Variants in INSR observed in about 807,000 individuals in gnomAD.
INSR encodes IR.
A neutral mutation model predicts 142.6 loss-of-function variants in INSR; 67 were observed. The observed-to-expected ratio is 0.47, with a 90% confidence interval of 0.39 to 0.58. The LOEUF (loss-of-function observed/expected upper bound fraction) is 0.58. INSR is among the 20% of genes least tolerant of loss of function. The pLI is 0.00. For synonymous variants in INSR, 756 were observed against 743.1 expected (o/e 1.02, Z -0.28); for missense variants, 1,248 against 1,833.2 (o/e 0.68, Z 5.83).
At chr19:7,146,853 C>T (rs1973198580) in intron 11 of INSR, among the ~76,000 whole-genome samples, 1 of 152,198 alleles carries the variant, frequency 6.6e-6, no homozygotes, top group African/African-American at 2.4e-5. Flanking sequence ...GTCCAAAGAA[C>T]TTAACACATT....
Position 7,114,116 on chromosome 19 carries a change from A to G in INSR, c.*2940T>C, listed in dbSNP as rs1460880999. ...GGTTTTGGATTGGAATTTCCCTCAC[A>G]TGCTCCCATCCCACTTGGAGAATTT... On this transcript the variant is annotated 3_prime_UTR_variant, in exon 22 of 22. Coordinates refer to ENST00000302850, the MANE Select transcript of INSR (RefSeq NM_000208.4). 1.3e-5 allele frequency: 2 copies of G among 151,374 alleles called. No homozygotes were observed. The highest frequency in any genetic ancestry group is 2.9e-5 in the Non-Finnish European group (2 of 67,946). 9.4% of individuals were successfully genotyped at this position (151,374 alleles called of 1,614,324 possible).
chr19:7,230,126 C>T (rs560335903), intron 2 of INSR, among the ~76,000 whole-genome samples: 1 of 152,186 alleles, frequency 6.6e-6, no homozygotes, highest in African/African-American at 2.4e-5. Flanking sequence ...CGGCCACATT[C>T]TCAGAGGCTC....
intron 2 of INSR, among the ~76,000 whole-genome samples, chr19:7,266,926 G>A (rs999777914): frequency 6.6e-6 from 1 of 151,916 alleles, no homozygotes; most frequent in Non-Finnish European, 1.5e-5. Flanking sequence ...TAAAAAAACC[G>A]AATCTACAGT....
intron 2 of INSR, among the ~76,000 whole-genome samples, chr19:7,259,806 G>A (rs558336872): frequency 2.8e-5 from 4 of 142,632 alleles, no homozygotes; most frequent in African/African-American, 1.1e-4. Context: ...ACAACAGAGC[G>A]AGACTCTGTC....
chr19:7,277,286 A>T (rs1340207639), intron 1 of INSR, among the ~76,000 whole-genome samples: 2 of 151,956 alleles, frequency 1.3e-5, no homozygotes, highest in Non-Finnish European at 2.9e-5. Context: ...GATCAAATGC[A>T]GGTTCTGGAC....
intron 2 of INSR, among the ~76,000 whole-genome samples, chr19:7,229,619 T>C (rs986767007): frequency 6.6e-6 from 1 of 152,316 alleles, no homozygotes; most frequent in African/African-American, 2.4e-5. Context: ...GGCCTCTGGG[T>C]CTGTGTTTTC....
At chr19:7,213,341 C>CAAAA (rs11343255) in intron 2 of INSR, among the ~76,000 whole-genome samples, 16 of 100,606 alleles carry the variant, frequency 1.6e-4, no homozygotes, top group South Asian at 3.4e-4. Flanking sequence ...GACTCCATCT[C>CAAAA]AAAAAAAAAA....
intron 13 of INSR, among the ~76,000 whole-genome samples, chr19:7,134,980 GC>G (rs5826959): frequency 1 from 151,242 of 151,242 alleles, 75,621 homozygotes; most frequent in Non-Finnish European, 1. Context: ...CAAGCATCGA[GC>G]CCAAAACTCT....
intron 2 of INSR, among the ~76,000 whole-genome samples, chr19:7,189,836 G>A (rs1599970082): frequency 3.3e-5 from 5 of 151,878 alleles, no homozygotes; most frequent in Non-Finnish European, 7.4e-5. Flanking sequence ...GATAATTTTT[G>A]TATTTTTAGT....
intron 13 of INSR, among the ~76,000 whole-genome samples, chr19:7,136,059 C>T (rs1175813661): frequency 6.6e-6 from 1 of 152,046 alleles, no homozygotes; most frequent in Non-Finnish European, 1.5e-5. Flanking sequence ...TATGAGGGTT[C>T]CGATTTCTCC....
intron 2 of INSR, among the ~76,000 whole-genome samples, chr19:7,256,191 G>A (rs555154270): frequency 1.6e-4 from 25 of 152,124 alleles, no homozygotes; most frequent in African/African-American, 4.3e-4. Flanking sequence ...TAATCCCAGC[G>A]CTTTGGGAGG....
rs1347526869 is a variant in INSR, at chr19:7,168,176, G to T, written c.1484-82C>A. On this transcript the variant is annotated intron_variant, in intron 6 of 21. Coordinates refer to ENST00000302850, the MANE Select transcript of INSR (RefSeq NM_000208.4). This position sits in a 1 kb window ranked among gnomAD's most constrained non-coding sequence, Gnocchi z 4.3. Reference sequence around the variant, plus strand: ...AAGCCTGGGACCCCCACACTTCCTGGAGGGACCGTGAGAAGGCAGAGGTGA... The same window carrying T: ...AAGCCTGGGACCCCCACACTTCCTGTAGGGACCGTGAGAAGGCAGAGGTGA... 2 of 1,410,822 alleles carry T rather than the reference G, an allele frequency of 1.4e-6. No individual in the cohort carries two copies. The highest frequency in any genetic ancestry group is 1.7e-5 in the Admixed American group (1 of 58,034). The allele number at this position is 1,410,822 out of a possible 1,614,324, so 87.4% of individuals were successfully genotyped here.
chr19:7,159,508 A>G lies in INSR; in HGVS notation c.2029+3524T>C, dbSNP rs2144919494. Reference sequence around the variant, plus strand: ...ATGTTTAAATGGTCCCTTGGTAATTACAGATTTAGACTTTCGGAATTAAAA... The same window carrying G: ...ATGTTTAAATGGTCCCTTGGTAATTGCAGATTTAGACTTTCGGAATTAAAA... On this transcript the variant is annotated intron_variant, in intron 9 of 21. Coordinates refer to ENST00000302850, the MANE Select transcript of INSR (RefSeq NM_000208.4). The surrounding 1 kb of genome is among the most constrained non-coding windows in gnomAD (Gnocchi z 4.3). 3 of 151,148 alleles carry G rather than the reference A, an allele frequency of 2.0e-5. No individual in the cohort carries two copies. The Middle Eastern group carries it at 0.01, about 518-fold the overall frequency. The allele number at this position is 151,148 out of a possible 1,614,324, so 9.4% of individuals were successfully genotyped here. A position where few individuals can be genotyped will look rare whatever the true frequency, so the allele number is the denominator to read the frequency against.
intron 2 of INSR, among the ~76,000 whole-genome samples, chr19:7,198,580 G>A (rs62111424): frequency 0.094 from 14,273 of 152,018 alleles, 697 homozygotes; most frequent in South Asian, 0.17. Context: ...GCCTCCCTCG[G>A]GAGGGGTCCA....
intron 2 of INSR, among the ~76,000 whole-genome samples, chr19:7,193,157 C>G (rs1167654862): frequency 6.6e-6 from 1 of 150,556 alleles, no homozygotes; most frequent in South Asian, 2.1e-4. Context: ...TCACTCTTGT[C>G]CCTCAGGCTG....
At position 7,123,004 on chromosome 19, in the gene INSR, AC is replaced by A; in HGVS notation, c.3259-16del. 6.4e-7 allele frequency: 1 copy of A among 1,573,068 alleles called. No individual in the cohort carries two copies. Among genetic ancestry groups the A allele is most frequent in the Admixed American group, 1.8e-5 (1 of 55,518 alleles). On this transcript the variant is annotated splice_polypyrimidine_tract_variant and intron_variant, in intron 17 of 21. Coordinates refer to ENST00000302850, the MANE Select transcript of INSR (RefSeq NM_000208.4). ...AGGAGGCGCACCTGCAGAGCAAGCA[AC>A]CAGGGTTCTTGGAGGAGGGTCCGTG...
chr19:7,292,829 T>C (rs977038613), intron 1 of INSR, among the ~76,000 whole-genome samples: 1 of 151,530 alleles, frequency 6.6e-6, no homozygotes, highest in Admixed American at 6.6e-5. Flanking sequence ...GCCCATGGGG[T>C]CAGGGGGAAC....
chr19:7,269,498 T>A (rs1029478261), intron 1 of INSR, among the ~76,000 whole-genome samples: 8 of 151,788 alleles, frequency 5.3e-5, no homozygotes, highest in African/African-American at 1.9e-4. Flanking sequence ...CCCTCAACAC[T>A]GGCTGCCTGG....
chr19:7,285,642 T>TA (rs1484557058), intron 1 of INSR, among the ~76,000 whole-genome samples: 1 of 151,908 alleles, frequency 6.6e-6, no homozygotes, highest in African/African-American at 2.4e-5. Flanking sequence ...CCTCTCAAAA[T>TA]AAAAATTTAA....
Sources: allele counts gnomAD v4.1 joint callset (sites outside exome capture counted in the v4.1 genomes callset), GRCh38; gene constraint gnomAD v4.1.1; non-coding constraint Gnocchi (gnomAD v3.1); transcripts MANE v1.5; gene names NCBI Gene and HGNC (gene_info 2026-07-23, HGNC 2026-07-21).